Variants in ZBTB43 observed in about 807,000 individuals in gnomAD.
ZBTB43 encodes the protein zinc finger and BTB domain-containing protein 43.
ZBTB43 carries 6 observed loss-of-function variants against 31.1 expected under a neutral mutation model. The observed-to-expected ratio is 0.19, with a 90% CI of 0.11 to 0.38. The LOEUF (loss-of-function observed/expected upper bound fraction) is 0.38, where lower values mean the gene tolerates loss of function less well. ZBTB43 is among the 10% of genes least tolerant of loss of function. The pLI is 1.00. For missense variants in ZBTB43, 379 were observed against 602.1 expected (o/e 0.63, Z 3.88); for synonymous variants, 212 against 221.7 (o/e 0.96, Z 0.39).
chr9:126,817,923 GAATATGGAGAAATGCCATATTCACCCA>G (rs2119132109), intron 2 of ZBTB43, among the ~76,000 whole-genome samples: 1 of 152,206 alleles, frequency 6.6e-6, no homozygotes, highest in East Asian at 1.9e-4. Flanking sequence ...GCAGGTCAGA[GAATATGGAGAAATGCCATATTCACCCA>G]AAGTTAAGGG....
At chr9:126,814,368 CAA>C (rs751338781) in intron 2 of ZBTB43, among the ~76,000 whole-genome samples, 25 of 147,440 alleles carry the variant, frequency 1.7e-4, no homozygotes, top group Non-Finnish European at 2.8e-4. Flanking sequence ...ATGAAATTTA[CAA>C]AGTAAATTTA....
intron 2 of ZBTB43, among the ~76,000 whole-genome samples, chr9:126,816,347 C>T (rs1051378994): frequency 1.3e-5 from 2 of 152,142 alleles, no homozygotes; most frequent in African/African-American, 2.4e-5. Flanking sequence ...ATATTAGTTT[C>T]CTGATACCCT....
Position 126,832,500 on chromosome 9 carries a change from T to C in ZBTB43, c.-10T>C, listed in dbSNP as rs368770592. On this transcript the variant is annotated 5_prime_UTR_variant, in exon 3 of 3. Transcript: ENST00000373464. ...TTTCTCTTGTAGCACCGAACAAGAT[T>C]TGTGATGAAATGGAGCCTGGAACAA... 116 of 1,595,950 alleles carry C rather than the reference T, an allele frequency of 7.3e-5. No homozygotes were observed. The African/African-American group carries it at 1.2e-3, about 17-fold the overall frequency.
intron 2 of ZBTB43, among the ~76,000 whole-genome samples, chr9:126,827,473 T>C (rs531283458): frequency 3.9e-5 from 6 of 152,232 alleles, no homozygotes; most frequent in African/African-American, 1.2e-4. Context: ...TGGGGATTTA[T>C]GCACACTGAT....
At chr9:126,815,066 T>A (rs186996977) in intron 2 of ZBTB43, among the ~76,000 whole-genome samples, 2 of 151,906 alleles carry the variant, frequency 1.3e-5, no homozygotes, top group East Asian at 3.9e-4. Context: ...TCATGTTTCT[T>A]GTGCTTGGAG....
chr9:126,813,416 G>A (rs923125005), intron 2 of ZBTB43, among the ~76,000 whole-genome samples: 3 of 152,156 alleles, frequency 2.0e-5, no homozygotes, highest in African/African-American at 7.2e-5. Context: ...TCACTTAGAA[G>A]TTTTCAGTGC....
rs1415786337 is a variant in ZBTB43, at chr9:126,834,730, C to G, written c.*817C>G. The G allele has an allele frequency of 6.0e-6, 1 of 167,040 alleles. No homozygotes were observed. Among genetic ancestry groups the G allele is most frequent in the Non-Finnish European group, 1.5e-5 (1 of 68,126 alleles). The allele number at this position is 167,040 out of a possible 1,614,324, so 10.3% of individuals were successfully genotyped here. ...AATCCTGTTTGGTTAATTGTAGCCT[C>G]CATACAGTGGGGTCTTCTCTGTGGC... is the stretch of plus-strand genomic sequence containing the variant. On this transcript the variant is annotated 3_prime_UTR_variant, in exon 3 of 3. Transcript: ENST00000373464.
At chr9:126,811,711 C>T (rs898718611) in intron 2 of ZBTB43, among the ~76,000 whole-genome samples, 8 of 152,176 alleles carry the variant, frequency 5.3e-5, no homozygotes, top group South Asian at 2.1e-4. Context: ...CTGCAGCCTC[C>T]GCCTCCTGGG....
chr9:126,808,246 T>C (rs1490399672), intron 1 of ZBTB43, among the ~76,000 whole-genome samples: 1 of 152,214 alleles, frequency 6.6e-6, no homozygotes. Context: ...TTTGCTGTAA[T>C]AGAATGTTTG....
At chr9:126,809,994 C>T (rs1484762390) in intron 2 of ZBTB43, among the ~76,000 whole-genome samples, 1 of 151,658 alleles carries the variant, frequency 6.6e-6, no homozygotes, top group African/African-American at 2.4e-5. Context: ...GCCACCACAC[C>T]CGGCTAATTT....
At chr9:126,810,263 C>G (rs1391042474) in intron 2 of ZBTB43, among the ~76,000 whole-genome samples, 2 of 152,090 alleles carry the variant, frequency 1.3e-5, no homozygotes, top group Non-Finnish European at 1.5e-5. Flanking sequence ...GGCAGAATCT[C>G]CGCTCACTGC....
At chr9:126,825,845 T>A (rs760412088) in intron 2 of ZBTB43, among the ~76,000 whole-genome samples, 211 of 130,836 alleles carry the variant, frequency 1.6e-3, no homozygotes, top group South Asian at 4.2e-3. Context: ...TTTTTATATT[T>A]TTTTTTTTTT....
chr9:126,811,592 G>C (rs934031890), intron 2 of ZBTB43, among the ~76,000 whole-genome samples: 1 of 152,094 alleles, frequency 6.6e-6, no homozygotes, highest in Non-Finnish European at 1.5e-5. Context: ...GTCGGCATTG[G>C]TACATCAGTT....
intron 2 of ZBTB43, among the ~76,000 whole-genome samples, chr9:126,816,359 T>C (rs1483779308): frequency 6.6e-6 from 1 of 152,254 alleles, no homozygotes; most frequent in Non-Finnish European, 1.5e-5. Flanking sequence ...TGATACCCTA[T>C]CATTAATTCA....
In ZBTB43 at chr9:126,819,614, A is replaced by G. The variant is rs534171861; in HGVS notation, c.-24+10699A>G. On this transcript the variant is annotated intron_variant, in intron 2 of 2. Coordinates refer to ENST00000373464, the MANE Select transcript of ZBTB43 (RefSeq NM_014007.4). Reference sequence around the variant, plus strand: ...CCCCCTCTGTTCAGGCCTCCCTATTACGTGATACACAACCACTTGAATTTA... The same window carrying G: ...CCCCCTCTGTTCAGGCCTCCCTATTGCGTGATACACAACCACTTGAATTTA... Among the ~76,000 whole-genome samples the G allele has an allele frequency of 2.6e-5, 4 of 151,156 alleles. No individual in the cohort carries two copies. In the South Asian group the frequency reaches 8.4e-4, roughly 32 times the overall value.
intron 2 of ZBTB43, among the ~76,000 whole-genome samples, chr9:126,809,276 C>T (rs1400426973): frequency 6.6e-6 from 1 of 152,138 alleles, no homozygotes; most frequent in Non-Finnish European, 1.5e-5. Flanking sequence ...CAAAAGGATG[C>T]AATGATACGG....
intron 2 of ZBTB43, among the ~76,000 whole-genome samples, chr9:126,813,919 G>A (rs1306657305): frequency 6.6e-6 from 1 of 152,078 alleles, no homozygotes. Flanking sequence ...AATCAAATGT[G>A]CCCTGTGCAT....
At chr9:126,804,553 C>T (rs1038024366), upstream of ZBTB43, among the ~76,000 whole-genome samples, 1 of 152,118 alleles carries the variant, frequency 6.6e-6, no homozygotes, top group African/African-American at 2.4e-5. Context: ...GGCGTGATCT[C>T]GGCTCACTGC....
At chr9:126,826,931 C>T (rs1218028084) in intron 2 of ZBTB43, among the ~76,000 whole-genome samples, 1 of 152,158 alleles carries the variant, frequency 6.6e-6, no homozygotes, top group Admixed American at 6.5e-5. Flanking sequence ...GTTTCTAATT[C>T]TTTTTCCTGT....
Sources: allele counts gnomAD v4.1 joint callset (sites outside exome capture counted in the v4.1 genomes callset), GRCh38; gene constraint gnomAD v4.1.1; transcripts MANE v1.5; gene names NCBI Gene and HGNC (gene_info 2026-07-23, HGNC 2026-07-21).